The following ETFB variants were observed in gnomAD, a reference collection of about 807,000 sequenced individuals.
ETFB encodes the protein beta-ETF.
A neutral mutation model predicts 25.6 loss-of-function variants in ETFB; 20 were observed. That is an observed-to-expected ratio of 0.78 (90% confidence interval 0.55 to 1.14). ETFB has a LOEUF of 1.14. ETFB is among the 50% of genes most tolerant of loss of function. The probability of loss-of-function intolerance (pLI) is 0.00; values close to 1 mark genes in which losing one functional copy is unlikely to be tolerated. For missense variants in ETFB, 286 were observed against 342.6 expected (o/e 0.83, Z 1.30); for synonymous variants, 142 against 146.7 (o/e 0.97, Z 0.23).
intron 1 of ETFB, chr19:51,357,078 T>C (rs919968278): frequency 1.0e-4 from 14 of 139,552 alleles, no homozygotes; most frequent in African/African-American, 4.0e-4. Context: ...TCTAATTTCT[T>C]TTTTTTTTTT....
Position 51,361,063 on chromosome 19 carries a change from G to A in ETFB, c.57+5207C>T, listed in dbSNP as rs562982103. ...GCCTCCCAAAGTGCTGAGATTACAC[G>A]TGTGGGCCACCGCGCCCGGCCCACG... On this transcript the variant is annotated intron_variant, in intron 1 of 5. Coordinates refer to ENST00000309244, the MANE Select transcript of ETFB (RefSeq NM_001985.3). Among the ~76,000 whole-genome samples, 279 of 152,142 alleles carry A rather than the reference G, an allele frequency of 1.8e-3. 2 individuals carry two copies. Among genetic ancestry groups the A allele is most frequent in the Non-Finnish European group, 2.9e-3 (196 of 67,996 alleles).
At position 51,354,302 on chromosome 19, in the gene ETFB, C is replaced by A. The variant is rs754545072; in HGVS notation, c.64G>T (p.Val22Leu). Residue 22 changes from valine (V) to leucine (L), a missense_variant, in exon 2 of 6, where the codon GTG becomes TTG. Transcript: ENST00000309244. Reference protein sequence around the residue: ...RVIDYAVKIRVKPDRTGVVTD... With the variant: ...RVIDYAVKIRLKPDRTGVVTD... ...ACCACACCGGTCCTGTCAGGCTTCA[C>A]TCGGATCTGCCCAGCAGGAGGGGAA... The A allele has an allele frequency of 6.2e-7, 1 of 1,614,162 alleles. No homozygotes were observed. The highest frequency in any genetic ancestry group is 1.1e-5 in the South Asian group (1 of 91,086).
intron 1 of ETFB, among the ~76,000 whole-genome samples, chr19:51,363,411 C>T (rs559018491): frequency 7.9e-5 from 12 of 152,062 alleles, no homozygotes; most frequent in African/African-American, 2.2e-4. Context: ...GGGTCAGGGG[C>T]TTCCTGGAGG....
Position 51,350,503 on chromosome 19 carries a change from G to C in ETFB, c.376-112C>G, listed in dbSNP as rs111263059. 7.0e-3 allele frequency: 4,740 copies of C among 674,264 alleles called. 177 individuals are homozygous for C. In the African/African-American group the frequency reaches 0.076, roughly 11 times the overall value. The allele number at this position is 674,264 out of a possible 1,614,324, so 41.8% of individuals were successfully genotyped here. A position where few individuals can be genotyped will look rare whatever the true frequency, so the allele number is the denominator to read the frequency against. On this transcript the variant is annotated intron_variant, in intron 3 of 5. Coordinates refer to ENST00000309244, the MANE Select transcript of ETFB (RefSeq NM_001985.3). The stretch of plus-strand genomic sequence containing the variant: ...CTTTTTCTTTCTTTTTTTTCTTTTT[G>C]AGACGGAGTCTTGCTCTGTCACCCA...
chr19:51,349,081 A>G (rs898598795), intron 4 of ETFB, among the ~76,000 whole-genome samples: 3 of 152,212 alleles, frequency 2.0e-5, no homozygotes, highest in Non-Finnish European at 2.9e-5. Context: ...ACAGTATTTG[A>G]TAAATTACAT....
At chr19:51,357,633 G>A (rs1450658822) in intron 1 of ETFB, among the ~76,000 whole-genome samples, 1 of 150,980 alleles carries the variant, frequency 6.6e-6, no homozygotes, top group Non-Finnish European at 1.5e-5. Context: ...GTGATTACAG[G>A]TGCCCACCAC....
chr19:51,354,900 G>A (rs1326258649), intron 1 of ETFB: 2 of 453,804 alleles, frequency 4.4e-6, no homozygotes, highest in East Asian at 4.2e-5. Flanking sequence ...CGTACATGGT[G>A]GTCTCTGTGG....
chr19:51,354,184 ACCT>A lies in ETFB; in HGVS notation c.179_181del (p.Glu60del), dbSNP rs770567402. The A allele has an allele frequency of 1.2e-6, 2 of 1,612,926 alleles. No homozygotes were observed. Among genetic ancestry groups the A allele is most frequent in the South Asian group, 1.1e-5 (1 of 91,008 alleles). ...TGCAGGCCCACAGCTGACGGCGATG[ACCT>A]CCTTCACCAGCTTCTTCTCCTTGAG... On this transcript the variant is annotated inframe_deletion, in exon 2 of 6. Transcript: ENST00000309244.
At chr19:51,347,274 T>G in intron 4 of ETFB, 1 of 574,476 alleles carries the variant, frequency 1.7e-6, no homozygotes. Flanking sequence ...TGATGTCCCA[T>G]GTCCTGATGC....
chr19:51,353,313 A>G, intron 2 of ETFB, 23 bp from the exon 3 acceptor site: 1 of 1,613,594 alleles, frequency 6.2e-7, no homozygotes, highest in Non-Finnish European at 8.5e-7. Flanking sequence ...GAGGGGCTTG[A>G]CTTGGCTGCT....
intron 4 of ETFB, chr19:51,350,107 C>T (rs576959951): frequency 4.3e-5 from 22 of 513,232 alleles, no homozygotes; most frequent in African/African-American, 1.9e-4. Context: ...TAGAGTTGAG[C>T]GGGTGGGCAT....
At chr19:51,347,642 C>T (rs557573493) in intron 4 of ETFB, 2 of 153,984 alleles carry the variant, frequency 1.3e-5, no homozygotes, top group African/African-American at 4.8e-5. Flanking sequence ...ATCAACATTT[C>T]CTCCCCTGGT....
intron 3 of ETFB, among the ~76,000 whole-genome samples, chr19:51,351,542 G>A (rs536123241): frequency 1.1e-4 from 17 of 152,236 alleles, no homozygotes; most frequent in South Asian, 2.1e-4. Flanking sequence ...GGACAGGTAG[G>A]ACATCGGAGT....
intron 1 of ETFB, 91 bp from the exon 2 acceptor site, chr19:51,354,399 GACA>G (rs1568468240): frequency 1.9e-6 from 3 of 1,614,098 alleles, no homozygotes; most frequent in African/African-American, 2.7e-5. Flanking sequence ...GCTGGATGAG[GACA>G]ACGACAGCCT....
At chr19:51,361,630 C>G (rs1986229649) in intron 1 of ETFB, 1 of 151,494 alleles carries the variant, frequency 6.6e-6, no homozygotes, top group African/African-American at 2.4e-5. Context: ...GAGTTTCTAT[C>G]CTGTGGGGTC....
At chr19:51,360,589 C>A (rs989690028) in intron 1 of ETFB, among the ~76,000 whole-genome samples, 2 of 152,102 alleles carry the variant, frequency 1.3e-5, no homozygotes, top group Non-Finnish European at 2.9e-5. Context: ...AGTACCTTGG[C>A]CAGGGCCACT....
At chr19:51,365,927 C>T (rs1013392631) in intron 1 of ETFB, among the ~76,000 whole-genome samples, 1 of 152,198 alleles carries the variant, frequency 6.6e-6, no homozygotes. Flanking sequence ...CTCGGCTCTG[C>T]CCTTCTCTAG....
chr19:51,347,767 C>T (rs575829482), intron 4 of ETFB: 9 of 152,442 alleles, frequency 5.9e-5, no homozygotes, highest in African/African-American at 1.7e-4. Context: ...TTCACAACCT[C>T]CTCCTAGTGC....
Position 51,346,891 on chromosome 19 carries a change from G to C in ETFB, c.597+9C>G, listed in dbSNP as rs1985800060. The C allele has an allele frequency of 6.5e-7, 1 of 1,549,580 alleles. No homozygotes were observed. The highest frequency in any genetic ancestry group is 8.7e-7 in the Non-Finnish European group (1 of 1,147,266). ...CCAGGCCCTCAGTGCCCGCTGGCCA[G>C]GGGCTCACCATGATGTTGGGCAGCG... is the stretch of plus-strand genomic sequence containing the variant. On this transcript the variant is annotated intron_variant, in intron 5 of 5. Coordinates refer to ENST00000309244, the MANE Select transcript of ETFB (RefSeq NM_001985.3).
Sources: allele counts gnomAD v4.1 joint callset (sites outside exome capture counted in the v4.1 genomes callset), GRCh38; gene constraint gnomAD v4.1.1; transcripts MANE v1.5; gene names NCBI Gene and HGNC (gene_info 2026-07-23, HGNC 2026-07-21).